The following PTPRC variants were observed in gnomAD, a reference collection of about 807,000 sequenced individuals.
The protein encoded by PTPRC is receptor-type tyrosine-protein phosphatase C.
A neutral mutation model predicts 155.9 loss-of-function variants in PTPRC; 44 were observed. That is an observed-to-expected ratio of 0.28 (90% CI 0.22 to 0.36). PTPRC has a LOEUF of 0.36. Ranked by LOEUF, PTPRC falls within the 10% of genes least tolerant of loss-of-function variation. PTPRC has a pLI of 1.00. For missense variants in PTPRC, 1,401 were observed against 1,564.6 expected (o/e 0.90, Z 1.76); for synonymous variants, 525 against 533.1 (o/e 0.98, Z 0.21).
intron 2 of PTPRC, among the ~76,000 whole-genome samples, chr1:198,640,863 T>C (rs1662539523): frequency 6.6e-6 from 1 of 152,034 alleles, no homozygotes; most frequent in Non-Finnish European, 1.5e-5. Flanking sequence ...CCCAACCTCC[T>C]GAATAGACCA....
At chr1:198,650,818 G>A (rs1336499456) in intron 2 of PTPRC, among the ~76,000 whole-genome samples, 1 of 151,768 alleles carries the variant, frequency 6.6e-6, no homozygotes. Flanking sequence ...ACACAAGGAG[G>A]AGCTAGGAAA....
intron 2 of PTPRC, among the ~76,000 whole-genome samples, chr1:198,650,557 A>G (rs1326270): frequency 0.69 from 104,423 of 151,690 alleles, 37,287 homozygotes; most frequent in East Asian, 0.88. Context: ...TTAGGGGGTC[A>G]GAAATCCAGA....
Position 198,696,776 on chromosome 1 carries a change from T to C in PTPRC, c.165T>C (p.Thr55=), listed in dbSNP as rs1428187819. 2 of 1,613,948 alleles carry C rather than the reference T, an allele frequency of 1.2e-6. No individual in the cohort carries two copies. The highest frequency in any genetic ancestry group is 2.7e-5 in the African/African-American group (2 of 74,908). ...GTGACCCCTTACCTACTCACACCAC[T>C]GCATTCTCACCCGCAAGCACCTTTG... ...LSSDPLPTHT[T]AFSPASTFER... The change falls in exon 4 of 33, where the codon ACT becomes ACC. Residue 55 remains threonine, a synonymous_variant. Transcript: ENST00000442510.
intron 2 of PTPRC, among the ~76,000 whole-genome samples, chr1:198,652,058 G>A (rs147781897): frequency 4.0e-5 from 6 of 151,804 alleles, no homozygotes; most frequent in South Asian, 2.1e-4. Flanking sequence ...ATGATCTATC[G>A]GTATTTATTT....
rs755927316 is a variant in PTPRC at position 198,639,350 on chromosome 1, A to G, written c.73+9A>G. On this transcript the variant is annotated intron_variant, in intron 2 of 32. Transcript: ENST00000442510. ...AGAAGTATTTGTGACAGGTAAGTAC[A>G]AGGATATTAATATTTTTTAAATTAT... The G allele has an allele frequency of 6.3e-6, 10 of 1,584,270 alleles. No homozygotes were observed. Among genetic ancestry groups the G allele is most frequent in the South Asian group, 2.2e-5 (2 of 89,372 alleles).
rs1655660518 is a variant in PTPRC at position 198,756,337 on chromosome 1, T to TA, written c.*158dup. On this transcript the variant is annotated 3_prime_UTR_variant, in exon 33 of 33. Coordinates refer to ENST00000442510, the MANE Select transcript of PTPRC (RefSeq NM_002838.5). ...TATTTTACTACTGTGGAAAAATATT[T>TA]AAGATAGTTTTGCCAGAACAGTTTG... The TA allele has an allele frequency of 2.5e-5, 25 of 1,014,432 alleles. No individual in the cohort carries two copies. The South Asian group carries it at 4.0e-4, about 16-fold the overall frequency. 62.8% of individuals were successfully genotyped at this position (1,014,432 alleles called of 1,614,324 possible).
chr1:198,702,901 T>A (rs1040842999), intron 6 of PTPRC, among the ~76,000 whole-genome samples: 3 of 152,240 alleles, frequency 2.0e-5, no homozygotes, highest in Non-Finnish European at 2.9e-5. Context: ...ACTCCTTTTT[T>A]AATTATGTCA....
At chr1:198,692,643 T>C in intron 3 of PTPRC, 1 of 983,754 alleles carries the variant, frequency 1.0e-6, no homozygotes, top group African/African-American at 1.7e-5. Flanking sequence ...ACACAACAGG[T>C]TTCTACTCTC....
intron 2 of PTPRC, among the ~76,000 whole-genome samples, chr1:198,682,150 A>T (rs2102334397): frequency 6.6e-6 from 1 of 152,378 alleles, no homozygotes; most frequent in African/African-American, 2.4e-5. Flanking sequence ...ACACATTGAA[A>T]ACCTCTTCTA....
In PTPRC at chr1:198,649,163, T is replaced by C. The variant is rs561160514; in HGVS notation, c.73+9822T>C. Among the ~76,000 whole-genome samples, 13 of 151,978 alleles carry C rather than the reference T, an allele frequency of 8.6e-5. No individual in the cohort carries two copies. In the East Asian group the frequency reaches 1.6e-3, roughly 18 times the overall value. ...AAAAAAAAATTATTGTTTGGTTCAT[T>C]TGATAAATGTGGATTCCAATCATAT... On this transcript the variant is annotated intron_variant, in intron 2 of 32. Coordinates refer to ENST00000442510, the MANE Select transcript of PTPRC (RefSeq NM_002838.5).
chr1:198,650,059 A>G (rs1484357539), intron 2 of PTPRC, among the ~76,000 whole-genome samples: 2 of 151,804 alleles, frequency 1.3e-5, no homozygotes, highest in Admixed American at 6.6e-5. Context: ...GACTGGCAAG[A>G]GTAAAGGTTA....
At chr1:198,703,629 T>C in intron 7 of PTPRC, 1 of 589,642 alleles carries the variant, frequency 1.7e-6, no homozygotes, top group South Asian at 2.0e-5. Context: ...ACTAGAACTT[T>C]TTCTCACAGG....
chr1:198,718,856 C>T (rs1653734433), intron 14 of PTPRC, among the ~76,000 whole-genome samples: 1 of 152,024 alleles, frequency 6.6e-6, no homozygotes, highest in Admixed American at 6.6e-5. Context: ...ACACAGTTTT[C>T]AAAATACAGT....
chr1:198,713,403 TCATCATTCAG>T (rs1019713731), intron 12 of PTPRC, among the ~76,000 whole-genome samples: 7 of 152,282 alleles, frequency 4.6e-5, no homozygotes, highest in African/African-American at 1.7e-4. Context: ...CACTTTGAAC[TCATCATTCAG>T]CCTCCTAAAC....
chr1:198,712,897 A>G, intron 11 of PTPRC, 56 bp from the exon 12 acceptor site: 1 of 1,532,894 alleles, frequency 6.5e-7, no homozygotes, highest in East Asian at 2.3e-5. Context: ...AATATGAAGA[A>G]TGCTTTATCC....
chr1:198,643,070 C>A (rs1662725057), intron 2 of PTPRC, among the ~76,000 whole-genome samples: 2 of 151,660 alleles, frequency 1.3e-5, no homozygotes, highest in African/African-American at 2.4e-5. Flanking sequence ...AGGTTCTGGG[C>A]AAATCCTACT....
intron 2 of PTPRC, among the ~76,000 whole-genome samples, chr1:198,686,019 C>T (rs1571831787): frequency 1.3e-5 from 2 of 151,868 alleles, no homozygotes; most frequent in East Asian, 3.9e-4. Flanking sequence ...TTTGAAATGC[C>T]GTTTTCACTC....
At chr1:198,679,955 C>T in intron 2 of PTPRC, 5 of 625,578 alleles carry the variant, frequency 8.0e-6, no homozygotes, top group South Asian at 5.3e-5. Context: ...GTCGCCCTGG[C>T]GTAGGCGACA....
At chr1:198,702,264 C>T (rs552823245) in intron 5 of PTPRC, 123 bp from the exon 6 acceptor site, 291 of 1,247,820 alleles carry the variant, frequency 2.3e-4, no homozygotes, top group Non-Finnish European at 3.2e-4. Flanking sequence ...CGTGGTATAG[C>T]AGAAGTGCTT....
Sources: allele counts gnomAD v4.1 joint callset (sites outside exome capture counted in the v4.1 genomes callset), GRCh38; gene constraint gnomAD v4.1.1; transcripts MANE v1.5; gene names NCBI Gene and HGNC (gene_info 2026-07-23, HGNC 2026-07-21).